Variants in UNC13D observed in about 807,000 individuals in gnomAD.
UNC13D encodes the protein protein unc-13 homolog D.
In UNC13D, 115 loss-of-function variants were observed where a neutral mutation model predicts 151.7. That is an observed-to-expected ratio of 0.76 (90% CI 0.65 to 0.88). The LOEUF (loss-of-function observed/expected upper bound fraction) is 0.88. UNC13D is among the 40% of genes least tolerant of loss of function. The pLI is 0.00. For synonymous variants in UNC13D, 588 were observed against 612.2 expected (o/e 0.96, Z 0.58); for missense variants, 1,369 against 1,438.7 (o/e 0.95, Z 0.78).
At position 75,832,692 on chromosome 17, in the gene UNC13D, C is replaced by T. The variant is rs543014885; in HGVS notation, c.2447+274G>A. ...AGCTAGGCAGCAGGAAATGGGGAGG[C>T]CTGAGAAGTGGCAAGCTCCCCGTCC... On this transcript the variant is annotated intron_variant, in intron 25 of 31. Coordinates refer to ENST00000207549, the MANE Select transcript of UNC13D (RefSeq NM_199242.3). The surrounding 1 kb of genome is among the most constrained non-coding windows in gnomAD (Gnocchi z 4.3). The T allele has an allele frequency of 3.0e-5, 12 of 401,224 alleles. No homozygotes were observed. The highest frequency in any genetic ancestry group is 1.1e-4 in the South Asian group (4 of 35,908). The allele number at this position is 401,224 out of a possible 1,614,324, so 24.9% of individuals were successfully genotyped here.
At chr17:75,841,735 G>GCC (rs1179185385) in intron 6 of UNC13D, among the ~76,000 whole-genome samples, 1 of 145,456 alleles carries the variant, frequency 6.9e-6, no homozygotes, top group East Asian at 2.0e-4. Flanking sequence ...GAGTCCCTGC[G>GCC]CCTGGCCCCC....
In UNC13D at chr17:75,832,585, G is replaced by A; in HGVS notation, c.2447+381C>T. On this transcript the variant is annotated intron_variant, in intron 25 of 31. Coordinates refer to ENST00000207549, the MANE Select transcript of UNC13D (RefSeq NM_199242.3). The surrounding 1 kb of genome is among the most constrained non-coding windows in gnomAD (Gnocchi z 4.3). ...ATGGGGGCAGAGGAGCAGGCAGGGAGGCCCTGAAGACAGGCCTGGGACTAA... is the reference window on the plus strand; with the variant it reads ...ATGGGGGCAGAGGAGCAGGCAGGGAAGCCCTGAAGACAGGCCTGGGACTAA... 5.3e-6 allele frequency: 1 copy of A among 188,956 alleles called. No homozygotes were observed. The allele number at this position is 188,956 out of a possible 1,614,324, so 11.7% of individuals were successfully genotyped here. A position where few individuals can be genotyped will look rare whatever the true frequency, so the allele number is the denominator to read the frequency against.
intron 30 of UNC13D, chr17:75,829,661 C>A (rs1042215929): frequency 1.2e-5 from 3 of 247,358 alleles, no homozygotes; most frequent in Non-Finnish European, 2.4e-5. Flanking sequence ...TGCAGTGGCA[C>A]CATCTCAGCA....
At chr17:75,836,540 C>T (rs1277941161) in intron 14 of UNC13D, 32 bp downstream of exon 14, 3 of 1,613,112 alleles carry the variant, frequency 1.9e-6, no homozygotes, top group African/African-American at 1.3e-5. Context: ...TCATCCCTGA[C>T]CCCACCGAGG....
In UNC13D at chr17:75,833,024, A is replaced by G. The variant is rs1185244824; in HGVS notation, c.2389T>C (p.Phe797Leu). The change falls in exon 25 of 32, where the codon TTC becomes CTC. Residue 797 changes from phenylalanine to leucine, a missense_variant. Around this residue, in one of 3 missense-constraint regions of UNC13D, gnomAD observed 807 missense variants for 795.5 expected, o/e 1.01. Coordinates refer to ENST00000207549, the MANE Select transcript of UNC13D (RefSeq NM_199242.3). The surrounding 1 kb of genome is among the most constrained non-coding windows in gnomAD (Gnocchi z 4.0). Reference sequence around the variant, plus strand: ...ATGTAGCAAAGCTCCACCTCCAGGAACTTCATCAGGGGCAGAATGGCCTGG... The same window carrying G: ...ATGTAGCAAAGCTCCACCTCCAGGAGCTTCATCAGGGGCAGAATGGCCTGG... ...PEDAILPLMKFLEVELCYMNT... is the reference protein window; with the variant it reads ...PEDAILPLMKLLEVELCYMNT... 6.2e-7 allele frequency: 1 copy of G among 1,605,622 alleles called. No individual in the cohort carries two copies. Among genetic ancestry groups the G allele is most frequent in the Non-Finnish European group, 8.5e-7 (1 of 1,176,838 alleles).
rs2062131550 is a variant in UNC13D, at chr17:75,827,486, C to A, written c.*479G>T. ...AGGCCCCCTCTAGTAATGGCCACCA[C>A]CCTCCCCCCAGGGCAGCTGGAGCCT... is the stretch of plus-strand genomic sequence containing the variant. On this transcript the variant is annotated 3_prime_UTR_variant, in exon 32 of 32. Transcript: ENST00000207549. The A allele has an allele frequency of 6.7e-7, 1 of 1,492,524 alleles. No homozygotes were observed. Among genetic ancestry groups the A allele is most frequent in the Non-Finnish European group, 8.9e-7 (1 of 1,123,252 alleles). The allele number at this position is 1,492,524 out of a possible 1,614,324, so 92.5% of individuals were successfully genotyped here.
In UNC13D at chr17:75,842,519, C is replaced by T. The variant is rs200551920; in HGVS notation, c.483G>A (p.Val161=). The T allele has an allele frequency of 2.5e-6, 4 of 1,613,232 alleles. No homozygotes were observed. Among genetic ancestry groups the T allele is most frequent in the African/African-American group, 1.3e-5 (1 of 75,066 alleles). ...TCTCCTCCTCGGGGATGGTGTGCCT[C>T]ACCACAGCCTTCTGCCGATGCCGGG... ...PGSRHRQKAV[V]RHTIPEEETH... is the part of the protein sequence containing the mutation. Residue 161 remains valine (V), a synonymous_variant, in exon 6 of 32, where the codon GTG becomes GTA. Transcript: ENST00000207549.
At chr17:75,828,472 CATA>C (rs1226514045) in intron 31 of UNC13D, among the ~76,000 whole-genome samples, 5 of 152,218 alleles carry the variant, frequency 3.3e-5, no homozygotes, top group South Asian at 2.1e-4. Flanking sequence ...AGCACTTGCT[CATA>C]ATAAGTGCAC....
intron 31 of UNC13D, 30 bp downstream of exon 31, chr17:75,828,757 C>T (rs748182186): frequency 1.9e-5 from 28 of 1,505,494 alleles, no homozygotes; most frequent in Middle Eastern, 2.2e-4. Context: ...CTCCCGTCCC[C>T]GCACCACCCT....
intron 6 of UNC13D, 136 bp downstream of exon 6, chr17:75,842,297 G>A (rs2064954655): frequency 3.2e-6 from 4 of 1,231,140 alleles, no homozygotes; most frequent in Non-Finnish European, 4.5e-6. Context: ...CTGGAGATGG[G>A]CTTCTCCTCT....
At chr17:75,839,150 C>A (rs144716148) in intron 12 of UNC13D, among the ~76,000 whole-genome samples, 4,489 of 151,582 alleles carry the variant, frequency 0.03, 207 homozygotes, top group African/African-American at 0.095. Flanking sequence ...TGCCTATAAT[C>A]TCAGCACTTT....
intron 30 of UNC13D, among the ~76,000 whole-genome samples, 200 bp from the exon 31 acceptor site, chr17:75,829,183 C>T (rs1386332092): frequency 1.3e-5 from 2 of 152,250 alleles, no homozygotes; most frequent in Non-Finnish European, 2.9e-5. Context: ...CCTGTGTTCC[C>T]TGTTCACCTG....
Position 75,827,615 on chromosome 17 carries a change from A to G in UNC13D, c.*350T>C, listed in dbSNP as rs1169004113. On this transcript the variant is annotated 3_prime_UTR_variant, in exon 32 of 32. Transcript: ENST00000207549. ...CCCCAGTGGCTGGAACAGGAAGGCCAGGAGGCAGATGGGCCAGGGCCAGGA... is the reference window on the plus strand; with the variant it reads ...CCCCAGTGGCTGGAACAGGAAGGCCGGGAGGCAGATGGGCCAGGGCCAGGA... 3.9e-6 allele frequency: 6 copies of G among 1,535,324 alleles called. No individual in the cohort carries two copies. Among genetic ancestry groups the G allele is most frequent in the Non-Finnish European group, 5.2e-6 (6 of 1,146,734 alleles).
chr17:75,838,961 G>A (rs1227127729), intron 12 of UNC13D, among the ~76,000 whole-genome samples: 4 of 152,336 alleles, frequency 2.6e-5, no homozygotes, highest in East Asian at 1.9e-4. Context: ...TTAGCCGGGC[G>A]CGGTGGCTGG....
chr17:75,843,665 G>C (rs1481235461), intron 1 of UNC13D, 146 bp from the exon 2 acceptor site: 7 of 1,490,636 alleles, frequency 4.7e-6, no homozygotes, highest in Non-Finnish European at 5.4e-6. Flanking sequence ...CCCCGCACCT[G>C]TTCCCCCAGC....
At position 75,828,873 on chromosome 17, in the gene UNC13D, A is replaced by G; in HGVS notation, c.3065T>C (p.Leu1022Pro). The G allele has an allele frequency of 6.2e-7, 1 of 1,600,956 alleles. No individual in the cohort carries two copies. The highest frequency in any genetic ancestry group is 8.5e-7 in the Non-Finnish European group (1 of 1,176,802). Residue 1022 changes from leucine (L) to proline (P), a missense_variant, in exon 31 of 32, where the codon CTG becomes CCG. Leu to Pro is a moderately conservative substitution (Grantham distance 98, BLOSUM62 -3). Coordinates refer to ENST00000207549, the MANE Select transcript of UNC13D (RefSeq NM_199242.3). The part of the protein sequence containing the change: ...DDLEGEAFLP[L>P]REVPGLSGSE... ...GCCACTCAGCCCGGGCACCTCACGC[A>G]GCGGCAGGAAGGCCTCGCCTTCCAG...
Position 75,835,750 on chromosome 17 carries a change from T to C in UNC13D, c.1624A>G (p.Thr542Ala). The C allele has an allele frequency of 6.2e-7, 1 of 1,613,734 alleles. No homozygotes were observed. The highest frequency in any genetic ancestry group is 1.3e-5 in the African/African-American group (1 of 75,012). Residue 542 changes from threonine (T) to alanine (A), a missense_variant, in exon 19 of 32, where the codon ACG becomes GCG. Thr to Ala is a moderately conservative substitution (Grantham distance 58). Transcript: ENST00000207549. ...GGGGACACTACATCACCCACAACCG[T>C]CGTGTGGTCCTGCACCCGCTTGGCC... ...LVAKRVQDHT[T>A]VVGDVVSPEM...
rs535258370 is a variant in UNC13D at position 75,833,511 on chromosome 17, G to A, written c.2368-466C>T. Reference sequence around the variant, plus strand: ...TGCATGTGTGTGCACGCGCATACACGCCTGTGCATAGAGTTAACAGCTATA... The same window carrying A: ...TGCATGTGTGTGCACGCGCATACACACCTGTGCATAGAGTTAACAGCTATA... On this transcript the variant is annotated intron_variant, in intron 24 of 31. Transcript: ENST00000207549. This position sits in a 1 kb window ranked among gnomAD's most constrained non-coding sequence, Gnocchi z 4.0. Among the ~76,000 whole-genome samples the A allele has an allele frequency of 6.6e-6, 1 of 152,108 alleles. No homozygotes were observed. The highest frequency in any genetic ancestry group is 2.4e-5 in the African/African-American group (1 of 41,406).
chr17:75,835,768 G>A lies in UNC13D; in HGVS notation c.1606C>T (p.Arg536Trp), dbSNP rs780530249. ...ACAACCGTCGTGTGGTCCTGCACCCGCTTGGCCACCTGCAAAGGAAAGGTG... is the reference window on the plus strand; with the variant it reads ...ACAACCGTCGTGTGGTCCTGCACCCACTTGGCCACCTGCAAAGGAAAGGTG... Reference protein sequence around the residue: ...FRELQWLVAKRVQDHTTVVGD... With the variant: ...FRELQWLVAKWVQDHTTVVGD... The change falls in exon 19 of 32, where the codon CGG becomes TGG. Residue 536 changes from arginine to tryptophan, a missense_variant. By Grantham distance (101) the Arg-to-Trp change is moderately radical. Transcript: ENST00000207549. 5.0e-6 allele frequency: 8 copies of A among 1,613,930 alleles called. No homozygotes were observed. The highest frequency in any genetic ancestry group is 3.3e-5 in the South Asian group (3 of 91,086).
Sources: allele counts gnomAD v4.1 joint callset (sites outside exome capture counted in the v4.1 genomes callset), GRCh38; gene constraint gnomAD v4.1.1; regional missense constraint gnomAD v4.1.1; non-coding constraint Gnocchi (gnomAD v3.1); transcripts MANE v1.5; gene names NCBI Gene and HGNC (gene_info 2026-07-23, HGNC 2026-07-21).